CAPN2: variants seen among roughly 807,000 people sequenced by gnomAD.
CAPN2 encodes calpain 2.
A neutral mutation model predicts 102.3 loss-of-function variants in CAPN2; 92 were observed. The ratio of observed to expected loss-of-function variants is 0.90; its 90% CI spans 0.76 to 1.07. The LOEUF (loss-of-function observed/expected upper bound fraction) is 1.07, where lower values mean the gene tolerates loss of function less well. CAPN2 is among the 50% of genes least tolerant of loss of function. The probability of loss-of-function intolerance (pLI) is 0.00; values close to 1 mark genes in which losing one functional copy is unlikely to be tolerated. For synonymous variants in CAPN2, 340 were observed against 355.4 expected (o/e 0.96, Z 0.49); for missense variants, 800 against 909.4 (o/e 0.88, Z 1.55).
chr1:223,747,702 G>A (rs929029198), intron 5 of CAPN2, among the ~76,000 whole-genome samples: 7 of 152,192 alleles, frequency 4.6e-5, no homozygotes, highest in African/African-American at 1.7e-4. Context: ...ATCTTTGGCA[G>A]GTCCAGACTT....
At chr1:223,771,780 A>C in intron 18 of CAPN2, 29 bp from the exon 19 acceptor site, 1 of 1,308,040 alleles carries the variant, frequency 7.6e-7, no homozygotes, top group Non-Finnish European at 1.1e-6. Context: ...AATGCTTAGC[A>C]ATGAGTTTGT....
rs1660734169 is a variant in CAPN2, at chr1:223,745,575, A to C, written c.560+136A>C. 8.0e-6 allele frequency: 7 copies of C among 878,394 alleles called. No individual in the cohort carries two copies. The East Asian group carries it at 1.7e-4, about 22-fold the overall frequency. The allele number at this position is 878,394 out of a possible 1,614,324, so 54.4% of individuals were successfully genotyped here. A position where few individuals can be genotyped will look rare whatever the true frequency, so the allele number is the denominator to read the frequency against. On this transcript the variant is annotated intron_variant, in intron 4 of 20. Coordinates refer to ENST00000295006, the MANE Select transcript of CAPN2 (RefSeq NM_001748.5). ...CATTTGAGGTCAGGAGTTCGAGACC[A>C]GCCTGGCCAACATGATGAAACCCCG...
At chr1:223,771,780 A>G (rs772520971) in intron 18 of CAPN2, 29 bp from the exon 19 acceptor site, 1 of 1,307,922 alleles carries the variant, frequency 7.6e-7, no homozygotes, top group African/African-American at 1.4e-5. Flanking sequence ...AATGCTTAGC[A>G]ATGAGTTTGT....
At chr1:223,715,664 G>A (rs529854394) in intron 1 of CAPN2, among the ~76,000 whole-genome samples, 5 of 152,278 alleles carry the variant, frequency 3.3e-5, no homozygotes, top group Non-Finnish European at 5.9e-5. Flanking sequence ...GAAAGCAGGT[G>A]TGATCCGGGT....
In CAPN2 at chr1:223,746,475, C is replaced by CTT. The variant is rs60366533; in HGVS notation, c.561-502_561-501dup. ...TCCGACTCTAAGGTTCTACGAGAATCTTTTTTTTTTTTTTTTTTTTTAATA... is the reference window on the plus strand; with the variant it reads ...TCCGACTCTAAGGTTCTACGAGAATCTTTTTTTTTTTTTTTTTTTTTTTAATA... On this transcript the variant is annotated intron_variant, in intron 4 of 20. Coordinates refer to ENST00000295006, the MANE Select transcript of CAPN2 (RefSeq NM_001748.5). Among the ~76,000 whole-genome samples the CTT allele has an allele frequency of 7.7e-4, 84 of 108,450 alleles. 1 individual carries two copies. Among genetic ancestry groups the CTT allele is most frequent in the African/African-American group, 2.0e-3 (46 of 22,590 alleles). The allele number at this position is 108,450 out of a possible 152,430, so 71.1% of individuals were successfully genotyped here. A position where few individuals can be genotyped will look rare whatever the true frequency, so the allele number is the denominator to read the frequency against.
At chr1:223,743,817 T>A (rs1053740046) in intron 2 of CAPN2, among the ~76,000 whole-genome samples, 2 of 152,208 alleles carry the variant, frequency 1.3e-5, no homozygotes, top group African/African-American at 4.8e-5. Flanking sequence ...TTTCAGGGAA[T>A]GAAATTTCCC....
Position 223,770,622 on chromosome 1 carries a change from C to T in CAPN2, c.1903+97C>T, listed in dbSNP as rs1661450603. On this transcript the variant is annotated intron_variant, in intron 18 of 20. Transcript: ENST00000295006. ...CCATATAACACAAGATTTGGTAAAGCTATAAAATAAAGTAGGTGCTGGTTT... is the reference window on the plus strand; with the variant it reads ...CCATATAACACAAGATTTGGTAAAGTTATAAAATAAAGTAGGTGCTGGTTT... 6.2e-6 allele frequency: 5 copies of T among 812,398 alleles called. No homozygotes were observed. In the Admixed American group the frequency reaches 7.4e-5, roughly 12 times the overall value. 50.3% of individuals were successfully genotyped at this position (812,398 alleles called of 1,614,324 possible). A position where few individuals can be genotyped will look rare whatever the true frequency, so the allele number is the denominator to read the frequency against.
chr1:223,749,902 C>T (rs1406475628), intron 6 of CAPN2, among the ~76,000 whole-genome samples: 1 of 151,928 alleles, frequency 6.6e-6, no homozygotes, highest in African/African-American at 2.4e-5. Context: ...CCCAGCTACT[C>T]GGGAGGCTGA....
At chr1:223,766,300 T>A in intron 15 of CAPN2, 67 bp from the exon 16 acceptor site, 1 of 1,142,540 alleles carries the variant, frequency 8.8e-7, no homozygotes, top group Non-Finnish European at 1.3e-6. Flanking sequence ...ATCTCCATGA[T>A]TGTGGAAAGT....
At chr1:223,743,363 C>T (rs775099341) in intron 2 of CAPN2, among the ~76,000 whole-genome samples, 14 of 152,190 alleles carry the variant, frequency 9.2e-5, no homozygotes, top group Non-Finnish European at 1.9e-4. Context: ...TTACTTCCTG[C>T]GACTGTACTC....
chr1:223,712,527 G>T (rs951779944), upstream of CAPN2: 2 of 1,228,780 alleles, frequency 1.6e-6, no homozygotes, highest in Admixed American at 4.4e-5. Flanking sequence ...CGCTCGCAGC[G>T]GCGGCGCCCG....
intron 16 of CAPN2, among the ~76,000 whole-genome samples, chr1:223,768,683 T>C (rs1215640317): frequency 6.6e-6 from 1 of 151,032 alleles, no homozygotes; most frequent in Non-Finnish European, 1.5e-5. Context: ...CTTTTTTGGT[T>C]CCATATGAAC....
In CAPN2 at chr1:223,754,820, C is replaced by T. The variant is rs201719178; in HGVS notation, c.1136-660C>T. The stretch of plus-strand genomic sequence containing the variant: ...GCCTCCGGGCTCACCGAGGGGGCGG[C>T]GACCGGCAAGTGCAGGGAGCAGATC... On this transcript the variant is annotated intron_variant, in intron 9 of 20. Transcript: ENST00000295006. The surrounding 1 kb of genome is among the most constrained non-coding windows in gnomAD (Gnocchi z 4.7). Among the ~76,000 whole-genome samples, 25 of 152,252 alleles carry T rather than the reference C, an allele frequency of 1.6e-4. No homozygotes were observed. In the East Asian group the frequency reaches 3.3e-3, roughly 20 times the overall value.
intron 15 of CAPN2, among the ~76,000 whole-genome samples, chr1:223,764,502 G>T (rs905383712): frequency 6.6e-6 from 1 of 152,112 alleles, no homozygotes; most frequent in African/African-American, 2.4e-5. Flanking sequence ...CGCCCAGGCT[G>T]GAGTAAAGTG....
intron 2 of CAPN2, among the ~76,000 whole-genome samples, chr1:223,739,794 C>A (rs958797874): frequency 3.3e-5 from 5 of 152,204 alleles, no homozygotes; most frequent in Non-Finnish European, 7.3e-5. Flanking sequence ...GAGAGGCCTC[C>A]GTCACTGGAA....
At chr1:223,729,510 G>A (rs187742355) in intron 2 of CAPN2, among the ~76,000 whole-genome samples, 197 of 152,312 alleles carry the variant, frequency 1.3e-3, no homozygotes, top group African/African-American at 4.5e-3. Context: ...GAGAACCTGT[G>A]CCCAAGGTGG....
chr1:223,705,209 AC>A (rs1659576264), intron 1 of CAPN2, among the ~76,000 whole-genome samples: 1 of 152,250 alleles, frequency 6.6e-6, no homozygotes, highest in Non-Finnish European at 1.5e-5. Context: ...GGGCAAAGTA[AC>A]AAAACAAAGA....
chr1:223,761,578 C>T lies in CAPN2; in HGVS notation c.1530-3C>T. The T allele has an allele frequency of 1.2e-6, 2 of 1,612,270 alleles. No homozygotes were observed. Among genetic ancestry groups the T allele is most frequent in the Non-Finnish European group, 1.7e-6 (2 of 1,178,652 alleles). ...GTAACACATAATTTCCTTCTATTTCCAGAGCTGTCGATGATGAAATCGAGG... is the reference window on the plus strand; with the variant it reads ...GTAACACATAATTTCCTTCTATTTCTAGAGCTGTCGATGATGAAATCGAGG... On this transcript the variant is annotated splice_region_variant and splice_polypyrimidine_tract_variant and intron_variant, in intron 12 of 20. Coordinates refer to ENST00000295006, the MANE Select transcript of CAPN2 (RefSeq NM_001748.5).
chr1:223,730,572 ATGTGATGCTC>A (rs1420690355), intron 2 of CAPN2, among the ~76,000 whole-genome samples: 1 of 152,188 alleles, frequency 6.6e-6, no homozygotes, highest in Non-Finnish European at 1.5e-5. Context: ...GCTATCTGTC[ATGTGATGCTC>A]TACTAGAGTG....
Sources: gnomAD v4.1 joint callset for allele counts (sites outside exome capture counted in the v4.1 genomes callset) on GRCh38, gnomAD v4.1.1 for gene constraint, Gnocchi (gnomAD v3.1) non-coding constraint, MANE v1.5 for transcripts, NCBI Gene and HGNC (gene_info 2026-07-23, HGNC 2026-07-21) for gene names.